PLD1: variants seen among roughly 807,000 people sequenced by gnomAD.
PLD1 encodes the protein choline phosphatase 1.
In PLD1, 112 loss-of-function variants were observed where a neutral mutation model predicts 137.1. The observed-to-expected ratio is 0.82, with a 90% CI of 0.70 to 0.96. PLD1 has a LOEUF of 0.96. Among genes scored for constraint, PLD1 ranks in the 40% least tolerant of loss-of-function variants. The pLI is 0.00. For missense variants in PLD1, 1,321 were observed against 1,342.0 expected, an observed-to-expected ratio of 0.98 and a Z score of 0.24; for synonymous variants, 431 against 454.7, an observed-to-expected ratio of 0.95 and a Z score of 0.66.
intron 1 of PLD1, among the ~76,000 whole-genome samples, chr3:171,791,294 AT>A (rs1430144073): frequency 6.6e-6 from 1 of 152,148 alleles, no homozygotes; most frequent in African/African-American, 2.4e-5. Flanking sequence ...GAGTCATCTA[AT>A]TTTCCCCAAA....
intron 12 of PLD1, among the ~76,000 whole-genome samples, chr3:171,694,147 A>G (rs1341499376): frequency 1.3e-5 from 2 of 152,138 alleles, no homozygotes; most frequent in Non-Finnish European, 2.9e-5. Context: ...TTAAAGGTGT[A>G]TGTATTTCTG....
intron 21 of PLD1, among the ~76,000 whole-genome samples, chr3:171,657,459 T>C (rs531213964): frequency 6.6e-6 from 1 of 152,372 alleles, no homozygotes; most frequent in African/African-American, 2.4e-5. Context: ...GTTTTGCTTA[T>C]GTGTTTGTTC....
chr3:171,685,081 C>G (rs186617962), intron 16 of PLD1, among the ~76,000 whole-genome samples: 214 of 152,226 alleles, frequency 1.4e-3, no homozygotes, highest in African/African-American at 5.0e-3. Context: ...TGAATGTGGC[C>G]CAACACGAAT....
At chr3:171,620,833 G>C (rs1260676132) in intron 23 of PLD1, among the ~76,000 whole-genome samples, 1 of 146,202 alleles carries the variant, frequency 6.8e-6, no homozygotes, top group Non-Finnish European at 1.5e-5. Flanking sequence ...AATCCAAAAA[G>C]CTATTCATAT....
chr3:171,672,519 G>T, intron 19 of PLD1, among the ~76,000 whole-genome samples: 1 of 149,156 alleles, frequency 6.7e-6, no homozygotes, highest in Non-Finnish European at 1.5e-5. Context: ...AGTCAGTCTC[G>T]CTCTGTTGCC....
intron 21 of PLD1, among the ~76,000 whole-genome samples, chr3:171,647,267 G>A (rs1736317488): frequency 6.6e-6 from 1 of 151,974 alleles, no homozygotes; most frequent in South Asian, 2.1e-4. Flanking sequence ...GGAAGTTTCT[G>A]GTAGAGAAGA....
At chr3:171,782,121 GCCT>G (rs750209969) in intron 1 of PLD1, among the ~76,000 whole-genome samples, 7 of 152,286 alleles carry the variant, frequency 4.6e-5, no homozygotes, top group South Asian at 2.1e-4. Context: ...AGTGAAAGAA[GCCT>G]TACATAAAAG....
chr3:171,614,429 A>G (rs1279371907), intron 24 of PLD1, among the ~76,000 whole-genome samples: 1 of 152,262 alleles, frequency 6.6e-6, no homozygotes, highest in Non-Finnish European at 1.5e-5. Context: ...AGATAATAAT[A>G]TAGACCTTGT....
chr3:171,711,167 CTTTT>C (rs562934959), intron 9 of PLD1, among the ~76,000 whole-genome samples: 1,277 of 94,720 alleles, frequency 0.013, 21 homozygotes, highest in African/African-American at 0.042. Context: ...CTGTGCCAGC[CTTTT>C]TTTTTTTTTT....
intron 1 of PLD1, among the ~76,000 whole-genome samples, chr3:171,763,953 A>G (rs1202850872): frequency 6.6e-6 from 1 of 151,192 alleles, no homozygotes; most frequent in Non-Finnish European, 1.5e-5. Context: ...CATTAGGTAA[A>G]TGCTGAATGG....
At chr3:171,802,149 A>G (rs1723674401) in intron 1 of PLD1, among the ~76,000 whole-genome samples, 2 of 152,248 alleles carry the variant, frequency 1.3e-5, no homozygotes, top group African/African-American at 4.8e-5. Flanking sequence ...TCATATATTT[A>G]TATAACAACT....
intron 6 of PLD1, among the ~76,000 whole-genome samples, chr3:171,730,729 C>T (rs1197034758): frequency 6.7e-6 from 1 of 149,530 alleles, no homozygotes; most frequent in Admixed American, 6.8e-5. Flanking sequence ...ACCTCCGCCT[C>T]CCGGGTTCAA....
chr3:171,740,954 T>C (rs1187022595), intron 1 of PLD1, among the ~76,000 whole-genome samples: 1 of 152,220 alleles, frequency 6.6e-6, no homozygotes, highest in Non-Finnish European at 1.5e-5. Flanking sequence ...CTTATGGAGT[T>C]GGTTACAGAG....
chr3:171,786,756 A>G (rs1437911878), intron 1 of PLD1, among the ~76,000 whole-genome samples: 1 of 152,152 alleles, frequency 6.6e-6, no homozygotes, highest in Non-Finnish European at 1.5e-5. Flanking sequence ...TTAAAGAAAT[A>G]TATTTTATAT....
chr3:171,616,536 A>G (rs1733127063), intron 24 of PLD1, among the ~76,000 whole-genome samples: 1 of 152,194 alleles, frequency 6.6e-6, no homozygotes, highest in African/African-American at 2.4e-5. Flanking sequence ...ATACAGGTGG[A>G]CCCAATACAA....
At chr3:171,633,950 A>G (rs1264440331) in intron 23 of PLD1, among the ~76,000 whole-genome samples, 6 of 152,242 alleles carry the variant, frequency 3.9e-5, no homozygotes, top group Non-Finnish European at 5.9e-5. Flanking sequence ...ACATATTCAT[A>G]GCAGCAGTTT....
At chr3:171,645,275 T>C (rs995388199) in intron 21 of PLD1, among the ~76,000 whole-genome samples, 16 of 152,206 alleles carry the variant, frequency 1.1e-4, no homozygotes, top group African/African-American at 2.4e-4. Context: ...CCATTGTCTC[T>C]CTACAGCATA....
At chr3:171,691,833 G>A (rs1026352256) in intron 13 of PLD1, among the ~76,000 whole-genome samples, 2 of 132,506 alleles carry the variant, frequency 1.5e-5, no homozygotes, top group African/African-American at 5.9e-5. Context: ...TATATTTATT[G>A]ATAGGTTTTA....
Position 171,724,737 on chromosome 3 carries a change from A to G in PLD1, c.717T>C (p.Asn239=). ...AGCAGGCTCTTCCCTGACCACAGCA[A>G]TTCAAGCCTGGTATTCTGTGTCCTC... ...RSGGHRIPGL[N]CCGQGRACYR... The change falls in exon 8 of 27, where the codon AAT becomes AAC. Residue 239 remains asparagine, a synonymous_variant. Coordinates refer to ENST00000351298, the MANE Select transcript of PLD1 (RefSeq NM_002662.5). The G allele has an allele frequency of 6.2e-7, 1 of 1,611,744 alleles. No homozygotes were observed. The highest frequency in any genetic ancestry group is 8.5e-7 in the Non-Finnish European group (1 of 1,178,404).
Sources: gnomAD v4.1 joint callset for allele counts (sites outside exome capture counted in the v4.1 genomes callset) on GRCh38, gnomAD v4.1.1 for gene constraint, MANE v1.5 for transcripts, NCBI Gene and HGNC (gene_info 2026-07-23, HGNC 2026-07-21) for gene names.